RNF8: variants seen among roughly 807,000 people sequenced by gnomAD.
The protein encoded by RNF8 is ring finger protein 8.
A neutral mutation model predicts 59.3 loss-of-function variants in RNF8; 8 were observed. The ratio of observed to expected loss-of-function variants is 0.13; its 90% CI spans 0.08 to 0.24. The LOEUF is 0.24. Among genes scored for constraint, RNF8 ranks in the 10% least tolerant of loss-of-function variants. The pLI is 1.00. For missense variants in RNF8, 406 were observed against 572.6 expected, an observed-to-expected ratio of 0.71 and a Z score of 2.97; for synonymous variants, 162 against 200.0, an observed-to-expected ratio of 0.81 and a Z score of 1.60.
At chr6:37,390,194 C>G (rs527423514) in intron 7 of RNF8, among the ~76,000 whole-genome samples, 21 of 152,356 alleles carry the variant, frequency 1.4e-4, no homozygotes, top group African/African-American at 5.1e-4. Flanking sequence ...GTGCTAGGCA[C>G]TGTTCTAGAT....
At chr6:37,382,306 A>G (rs1488915482) in intron 7 of RNF8, among the ~76,000 whole-genome samples, 1 of 152,116 alleles carries the variant, frequency 6.6e-6, no homozygotes. Context: ...CATCAAGGAA[A>G]TGACATTTGA....
At chr6:37,358,073 G>T (rs1769184765) in intron 1 of RNF8, among the ~76,000 whole-genome samples, 1 of 152,170 alleles carries the variant, frequency 6.6e-6, no homozygotes, top group Non-Finnish European at 1.5e-5. Flanking sequence ...ATGAGTAGCT[G>T]GAACATGAAA....
At position 37,393,963 on chromosome 6, in the gene RNF8, A is replaced by G. The variant is rs1469094914; in HGVS notation, c.*3205A>G. ...TTGCTCTTTACAGCCTCTCTCTGTG[A>G]CTGGAATCTCTCCACCTCATCGTAT... On this transcript the variant is annotated 3_prime_UTR_variant, in exon 8 of 8. Coordinates refer to ENST00000373479, the MANE Select transcript of RNF8 (RefSeq NM_003958.4). 1 of 152,206 alleles carries G rather than the reference A, an allele frequency of 6.6e-6. No individual in the cohort carries two copies. Among genetic ancestry groups the G allele is most frequent in the Admixed American group, 6.6e-5 (1 of 15,258 alleles). The allele number at this position is 152,206 out of a possible 1,614,324, so 9.4% of individuals were successfully genotyped here.
At chr6:37,362,341 C>T (rs1769357439) in intron 2 of RNF8, among the ~76,000 whole-genome samples, 1 of 152,174 alleles carries the variant, frequency 6.6e-6, no homozygotes, top group Admixed American at 6.5e-5. Context: ...TGTGCAAGAT[C>T]AGATCATGAC....
Position 37,354,034 on chromosome 6 carries a change from A to G in RNF8, c.-131A>G, listed in dbSNP as rs999599509. The G allele has an allele frequency of 2.5e-6, 2 of 795,626 alleles. No homozygotes were observed. The highest frequency in any genetic ancestry group is 4.1e-6 in the Non-Finnish European group (2 of 483,888). 49.3% of individuals were successfully genotyped at this position (795,626 alleles called of 1,614,324 possible). A position where few individuals can be genotyped will look rare whatever the true frequency, so the allele number is the denominator to read the frequency against. On this transcript the variant is annotated 5_prime_UTR_variant, in exon 1 of 8. Coordinates refer to ENST00000373479, the MANE Select transcript of RNF8 (RefSeq NM_003958.4). Reference sequence around the variant, plus strand: ...GCGGGCGAGCGGAGCCTGCTTTCGCAGCGATCGCGAGCGTGTGGCGATTGC... The same window carrying G: ...GCGGGCGAGCGGAGCCTGCTTTCGCGGCGATCGCGAGCGTGTGGCGATTGC...
In RNF8 at chr6:37,357,901, A is replaced by G. The variant is rs543882553; in HGVS notation, c.112-2545A>G. Among the ~76,000 whole-genome samples, 5 of 152,368 alleles carry G rather than the reference A, an allele frequency of 3.3e-5. No individual in the cohort carries two copies. In the South Asian group the frequency reaches 1.0e-3, roughly 32 times the overall value. ...AGAAACACAGTGGTAAACAAGACAG[A>G]TAAAGTCCCTGCTTATCTAATTTAT... On this transcript the variant is annotated intron_variant, in intron 1 of 7. Transcript: ENST00000373479.
Position 37,374,645 on chromosome 6 carries a change from A to G in RNF8, c.1064A>G (p.Asn355Ser). The G allele has an allele frequency of 1.9e-6, 3 of 1,614,176 alleles. No individual in the cohort carries two copies. Among genetic ancestry groups the G allele is most frequent in the Non-Finnish European group, 2.5e-6 (3 of 1,180,016 alleles). ...CATTGGGCTCTAATGGAAGAGCTAA[A>G]TCGCAGCAAGAAGGACTTTGAAGCA... is the stretch of plus-strand genomic sequence containing the variant. ...QEHWALMEEL[N>S]RSKKDFEAII... The change falls in exon 5 of 8, where the codon AAT becomes AGT. Residue 355 changes from asparagine to serine, a missense_variant. Around this residue, in one of 3 missense-constraint regions of RNF8, gnomAD observed 285 missense variants for 342.0 expected, o/e 0.83. Transcript: ENST00000373479.
rs1412263971 is a variant in RNF8, at chr6:37,360,671, A to G, written c.240+97A>G. On this transcript the variant is annotated intron_variant, in intron 2 of 7. Coordinates refer to ENST00000373479, the MANE Select transcript of RNF8 (RefSeq NM_003958.4). This position sits in a 1 kb window ranked among gnomAD's most constrained non-coding sequence, Gnocchi z 4.2. Reference sequence around the variant, plus strand: ...AATTCATGGTATAAAATTCAAAAGTATAACTTCTTCTTTCCTAGCCATCCA... The same window carrying G: ...AATTCATGGTATAAAATTCAAAAGTGTAACTTCTTCTTTCCTAGCCATCCA... 5.5e-6 allele frequency: 7 copies of G among 1,264,810 alleles called. No homozygotes were observed. Among genetic ancestry groups the G allele is most frequent in the Non-Finnish European group, 7.5e-6 (7 of 932,326 alleles). 78.3% of individuals were successfully genotyped at this position (1,264,810 alleles called of 1,614,324 possible). A position where few individuals can be genotyped will look rare whatever the true frequency, so the allele number is the denominator to read the frequency against.
rs1770726246 is a variant in RNF8 at position 37,391,553 on chromosome 6, A to C, written c.*795A>C. ...ATCTATTTTATCTGACGTCATGAAC[A>C]CACAGGCAATGATTTTATGACAACT... is the stretch of plus-strand genomic sequence containing the variant. On this transcript the variant is annotated 3_prime_UTR_variant, in exon 8 of 8. Transcript: ENST00000373479. 1 of 152,190 alleles carries C rather than the reference A, an allele frequency of 6.6e-6. No individual in the cohort carries two copies. Among genetic ancestry groups the C allele is most frequent in the Non-Finnish European group, 1.5e-5 (1 of 68,032 alleles). 9.4% of individuals were successfully genotyped at this position (152,190 alleles called of 1,614,324 possible).
intron 1 of RNF8, among the ~76,000 whole-genome samples, chr6:37,354,596 A>C (rs1030169389): frequency 1.3e-5 from 2 of 151,796 alleles, no homozygotes; most frequent in African/African-American, 4.8e-5. Context: ...GGAGGCCCTG[A>C]CCCGCGGCCT....
intron 7 of RNF8, among the ~76,000 whole-genome samples, chr6:37,385,384 T>G (rs906847055): frequency 2.0e-5 from 3 of 150,890 alleles, no homozygotes; most frequent in African/African-American, 7.3e-5. Context: ...TCCCAGCACT[T>G]TGGGAGGCTG....
At position 37,393,837 on chromosome 6, in the gene RNF8, C is replaced by G. The variant is rs906626492; in HGVS notation, c.*3079C>G. Reference sequence around the variant, plus strand: ...AAAGACCTGCATTTCCCCCTTGTCTCCAGTTCTCTCACTACTTTTTCCTCC... The same window carrying G: ...AAAGACCTGCATTTCCCCCTTGTCTGCAGTTCTCTCACTACTTTTTCCTCC... On this transcript the variant is annotated 3_prime_UTR_variant, in exon 8 of 8. Coordinates refer to ENST00000373479, the MANE Select transcript of RNF8 (RefSeq NM_003958.4). 6.6e-6 allele frequency: 1 copy of G among 152,286 alleles called. No homozygotes were observed. Among genetic ancestry groups the G allele is most frequent in the Non-Finnish European group, 1.5e-5 (1 of 68,094 alleles). The allele number at this position is 152,286 out of a possible 1,614,324, so 9.4% of individuals were successfully genotyped here.
chr6:37,388,505 C>T (rs908335620), intron 7 of RNF8, among the ~76,000 whole-genome samples: 5 of 151,976 alleles, frequency 3.3e-5, no homozygotes, highest in Admixed American at 1.3e-4. Flanking sequence ...CCACTGTTAC[C>T]GTCTCTGTGG....
chr6:37,379,457 G>A (rs77973116), intron 6 of RNF8, among the ~76,000 whole-genome samples: 4,483 of 152,270 alleles, frequency 0.029, 104 homozygotes, highest in Non-Finnish European at 0.047. Context: ...CTAAGAGCAG[G>A]AATGAGCATT....
At chr6:37,372,072 C>T (rs1769832147) in intron 4 of RNF8, among the ~76,000 whole-genome samples, 1 of 152,224 alleles carries the variant, frequency 6.6e-6, no homozygotes. Flanking sequence ...TAAAGCTCAA[C>T]AGGACTAAAA....
intron 3 of RNF8, chr6:37,369,761 A>G (rs1769726062): frequency 6.5e-6 from 1 of 153,532 alleles, no homozygotes; most frequent in South Asian, 2.0e-4. Flanking sequence ...CTAAAAAGGC[A>G]GAAAATGTTT....
chr6:37,368,512 C>T lies in RNF8; in HGVS notation c.269C>T (p.Ala90Val), dbSNP rs34022003. The change falls in exon 3 of 8, where the codon GCG becomes GTG. Residue 90 changes from alanine to valine, a missense_variant. This residue lies in a region of RNF8 where 285 missense variants were observed against 342.0 expected (regional missense o/e 0.83). Transcript: ENST00000373479. The stretch of plus-strand genomic sequence containing the variant: ...CTAAATGGTGTTTGGCTGAACAGAG[C>T]GCGTCTGGAACCTTTAAGGGTCTAT... ...KSLNGVWLNRARLEPLRVYSI... is the reference protein window; with the variant it reads ...KSLNGVWLNRVRLEPLRVYSI... The T allele has an allele frequency of 6.0e-5, 97 of 1,613,958 alleles. No homozygotes were observed. Among genetic ancestry groups the T allele is most frequent in the Non-Finnish European group, 7.3e-5 (86 of 1,180,006 alleles).
intron 1 of RNF8, among the ~76,000 whole-genome samples, chr6:37,359,830 A>C (rs1394170083): frequency 6.6e-6 from 1 of 152,266 alleles, no homozygotes; most frequent in Non-Finnish European, 1.5e-5. Flanking sequence ...TTTTCTTAAT[A>C]TGCCATCCAG....
At chr6:37,354,649 C>A (rs968390199) in intron 1 of RNF8, among the ~76,000 whole-genome samples, 1 of 140,334 alleles carries the variant, frequency 7.1e-6, no homozygotes, top group East Asian at 2.2e-4. Context: ...CCTGGGTCAG[C>A]GGGTAGCTGG....
Sources: allele counts gnomAD v4.1 joint callset (sites outside exome capture counted in the v4.1 genomes callset), GRCh38; gene constraint gnomAD v4.1.1; regional missense constraint gnomAD v4.1.1; non-coding constraint Gnocchi (gnomAD v3.1); transcripts MANE v1.5; gene names NCBI Gene and HGNC (gene_info 2026-07-23, HGNC 2026-07-21).